Variants in TASP1 observed in about 807,000 individuals in gnomAD.
TASP1 encodes taspase 1, also known as threonine aspartase 1.
Under a neutral mutation model 56.6 loss-of-function variants are expected in TASP1, and 16 were observed. That is an observed-to-expected ratio of 0.28 (90% confidence interval 0.19 to 0.43). TASP1 has a LOEUF of 0.43. Among genes scored for constraint, TASP1 ranks in the 20% least tolerant of loss-of-function variants. The probability of loss-of-function intolerance (pLI) is 1.00; values close to 1 mark genes in which losing one functional copy is unlikely to be tolerated. For missense variants in TASP1, 393 were observed against 511.6 expected, an observed-to-expected ratio of 0.77 and a Z score of 2.24; for synonymous variants, 179 against 184.2, an observed-to-expected ratio of 0.97 and a Z score of 0.23.
chr20:13,311,479 G>C, the TASP1 span, among the ~76,000 whole-genome samples: 1 of 152,088 alleles, frequency 6.6e-6, no homozygotes, highest in African/African-American at 2.4e-5. Context: ...AGAGATATCT[G>C]CATCTTCATG....
chr20:13,212,744 A>T, the TASP1 span, among the ~76,000 whole-genome samples: 1 of 152,232 alleles, frequency 6.6e-6, no homozygotes, highest in Non-Finnish European at 1.5e-5. Context: ...CTCAACCTTT[A>T]TAAAATAACA....
intron 13 of TASP1, among the ~76,000 whole-genome samples, chr20:13,408,655 C>G (rs563590075): frequency 7.9e-5 from 12 of 152,188 alleles, no homozygotes; most frequent in African/African-American, 2.9e-4. Context: ...GAATGTTTTG[C>G]TTATAGAAAT....
intron 4 of TASP1, among the ~76,000 whole-genome samples, chr20:13,610,795 A>G (rs2147435103): frequency 6.6e-6 from 1 of 152,282 alleles, no homozygotes; most frequent in African/African-American, 2.4e-5. Flanking sequence ...ATTTTTTAAA[A>G]TAAGCTACCT....
chr20:13,327,425 C>T, the TASP1 span, among the ~76,000 whole-genome samples: 7 of 151,970 alleles, frequency 4.6e-5, no homozygotes, highest in Admixed American at 1.3e-4. Flanking sequence ...AAACTACCAT[C>T]GACATTCTTC....
the TASP1 span, among the ~76,000 whole-genome samples, chr20:13,310,594 T>G: frequency 6.6e-6 from 1 of 152,184 alleles, no homozygotes; most frequent in Non-Finnish European, 1.5e-5. Flanking sequence ...GGAAAAAGGT[T>G]CTGCACAGCT....
intron 11 of TASP1, among the ~76,000 whole-genome samples, chr20:13,452,894 T>C (rs908348397): frequency 2.0e-5 from 3 of 152,058 alleles, no homozygotes; most frequent in African/African-American, 7.2e-5. Context: ...GCTCAGAATA[T>C]GGCAGACACT....
the TASP1 span, among the ~76,000 whole-genome samples, chr20:13,119,943 C>A: frequency 6.6e-6 from 1 of 152,220 alleles, no homozygotes; most frequent in African/African-American, 2.4e-5. Flanking sequence ...GGCTTCCTTT[C>A]GGCTTAATGA....
intron 10 of TASP1, among the ~76,000 whole-genome samples, chr20:13,507,005 T>C (rs2060973904): frequency 6.6e-6 from 1 of 152,044 alleles, no homozygotes; most frequent in Non-Finnish European, 1.5e-5. Context: ...GATGACAAAA[T>C]GTTATATATA....
chr20:13,221,758 A>C, the TASP1 span: 1 of 1,425,948 alleles, frequency 7.0e-7, no homozygotes, highest in Admixed American at 2.7e-5. Context: ...CGGGTCCTAA[A>C]GCCGCGCGTC....
chr20:13,148,431 A>T, the TASP1 span, among the ~76,000 whole-genome samples: 1 of 152,154 alleles, frequency 6.6e-6, no homozygotes, highest in Non-Finnish European at 1.5e-5. Context: ...GGTGGGGTCG[A>T]CAGGGAGGTT....
At chr20:13,108,381 T>C in the TASP1 span, among the ~76,000 whole-genome samples, 1 of 152,200 alleles carries the variant, frequency 6.6e-6, no homozygotes, top group East Asian at 1.9e-4. Flanking sequence ...TTCACTCAGC[T>C]TTGGGGGAAG....
At chr20:13,256,647 G>A in the TASP1 span, among the ~76,000 whole-genome samples, 1 of 152,184 alleles carries the variant, frequency 6.6e-6, no homozygotes, top group Non-Finnish European at 1.5e-5. Flanking sequence ...CAATGGTGGT[G>A]TTGGTCCTTT....
At chr20:13,366,828 C>T in the TASP1 span, among the ~76,000 whole-genome samples, 4 of 152,070 alleles carry the variant, frequency 2.6e-5, no homozygotes, top group Admixed American at 1.3e-4. Context: ...GCAGAGTCTA[C>T]GCTTCTCTTG....
the TASP1 span, among the ~76,000 whole-genome samples, chr20:13,159,559 T>C: frequency 6.6e-6 from 1 of 152,228 alleles, no homozygotes; most frequent in Non-Finnish European, 1.5e-5. Context: ...GTATTATTGG[T>C]ATTAAGTTTA....
At chr20:13,392,928 C>G in intron 13 of TASP1, 1 of 627,456 alleles carries the variant, frequency 1.6e-6, no homozygotes, top group South Asian at 1.4e-5. Flanking sequence ...CCACCAAAAT[C>G]AAATGGGGCC....
At chr20:13,478,825 T>C (rs1042264827) in intron 11 of TASP1, among the ~76,000 whole-genome samples, 1 of 152,074 alleles carries the variant, frequency 6.6e-6, no homozygotes, top group African/African-American at 2.4e-5. Context: ...AATGAAATCA[T>C]ATAAAATGTT....
the TASP1 span, chr20:13,153,943 G>A: frequency 1.8e-5 from 29 of 1,592,754 alleles, no homozygotes; most frequent in Admixed American, 1.7e-4. Context: ...CAAGTTGACC[G>A]GACCTTTACT....
intron 12 of TASP1, among the ~76,000 whole-genome samples, chr20:13,429,323 G>A (rs1198896227): frequency 1.3e-5 from 2 of 152,188 alleles, no homozygotes; most frequent in Non-Finnish European, 2.9e-5. Context: ...GCTTAGCACA[G>A]CAAGAGCATA....
chr20:13,505,203 T>A lies in TASP1; in HGVS notation c.875-21866A>T, dbSNP rs574286270. ...AGGTCATTATAGAATGATAAAGTGA[T>A]TAATTCACCAAAAGGATGTAACAAT... On this transcript the variant is annotated intron_variant, in intron 10 of 13. Coordinates refer to ENST00000337743, the MANE Select transcript of TASP1 (RefSeq NM_017714.3). Among the ~76,000 whole-genome samples the A allele has an allele frequency of 1.1e-4, 16 of 152,240 alleles. No homozygotes were observed. The East Asian group carries it at 3.1e-3, about 29-fold the overall frequency.
Sources: gnomAD v4.1 joint callset for allele counts (sites outside exome capture counted in the v4.1 genomes callset) on GRCh38, gnomAD v4.1.1 for gene constraint, MANE v1.5 for transcripts, NCBI Gene and HGNC (gene_info 2026-07-23, HGNC 2026-07-21) for gene names.